DOCK8: variants seen among roughly 807,000 people sequenced by gnomAD.
DOCK8 encodes dedicator of cytokinesis protein 8.
DOCK8 carries 141 observed loss-of-function variants against 245.6 expected under a neutral mutation model. The ratio of observed to expected loss-of-function variants is 0.57; its 90% CI spans 0.50 to 0.66. The LOEUF is 0.66. Ranked by LOEUF, DOCK8 falls within the 30% of genes least tolerant of loss-of-function variation. DOCK8 has a pLI of 0.00. For missense variants in DOCK8, 2,965 were observed against 2,603.4 expected (o/e 1.14, Z -3.02); for synonymous variants, 1,168 against 970.2 (o/e 1.20, Z -3.79).
intron 1 of DOCK8, among the ~76,000 whole-genome samples, chr9:244,187 GAAAAAAAA>G (rs60148430): frequency 1.1e-5 from 1 of 88,422 alleles, no homozygotes; most frequent in African/African-American, 4.5e-5. Context: ...GACTCCGTCT[GAAAAAAAA>G]AAAAAAAAAA....
At chr9:430,944 A>G (rs966255338) in intron 36 of DOCK8, among the ~76,000 whole-genome samples, 2 of 152,148 alleles carry the variant, frequency 1.3e-5, no homozygotes, top group Non-Finnish European at 2.9e-5. Context: ...ATCAGAGCTC[A>G]CTGCAGCCTT....
chr9:332,587 T>A, intron 10 of DOCK8, 109 bp downstream of exon 10: 4 of 608,458 alleles, frequency 6.6e-6, no homozygotes, highest in African/African-American at 3.8e-5. Flanking sequence ...TGTCCCTATA[T>A]AAGACACTAC....
At chr9:272,561 C>A (rs1476323894) in intron 2 of DOCK8, among the ~76,000 whole-genome samples, 2 of 152,044 alleles carry the variant, frequency 1.3e-5, no homozygotes, top group Non-Finnish European at 2.9e-5. Context: ...AATTTTTGTA[C>A]TTTTTGTAGA....
intron 23 of DOCK8, among the ~76,000 whole-genome samples, chr9:387,320 G>T (rs1267491953): frequency 2.0e-5 from 3 of 151,968 alleles, no homozygotes; most frequent in African/African-American, 7.3e-5. Context: ...GCAGGCACCT[G>T]TAATCTCAGC....
chr9:448,801 C>T (rs2057342189), intron 44 of DOCK8, among the ~76,000 whole-genome samples: 1 of 152,202 alleles, frequency 6.6e-6, no homozygotes, highest in Non-Finnish European at 1.5e-5. Context: ...AAGAAGGTCA[C>T]ATTCTGAGGT....
chr9:442,137 C>G (rs1420880658), intron 42 of DOCK8, 128 bp downstream of exon 42: 3 of 1,371,308 alleles, frequency 2.2e-6, no homozygotes, highest in Non-Finnish European at 3.0e-6. Flanking sequence ...AAGTTTTCCC[C>G]TTTGCATTTA....
intron 7 of DOCK8, among the ~76,000 whole-genome samples, chr9:325,439 T>C (rs184871498): frequency 6.6e-6 from 1 of 152,334 alleles, no homozygotes; most frequent in African/African-American, 2.4e-5. Flanking sequence ...ATTCCAAAAA[T>C]ATCCACCATG....
chr9:323,342 G>A (rs1156287526), intron 7 of DOCK8, among the ~76,000 whole-genome samples: 2 of 146,210 alleles, frequency 1.4e-5, no homozygotes, highest in Non-Finnish European at 1.5e-5. Context: ...TCCTGCCTCA[G>A]CCTCCCGAGT....
intron 1 of DOCK8, among the ~76,000 whole-genome samples, chr9:249,335 A>T (rs1392881873): frequency 6.6e-6 from 1 of 152,194 alleles, no homozygotes; most frequent in Non-Finnish European, 1.5e-5. Flanking sequence ...CCTACCTCTG[A>T]CCACAGCCTG....
intron 14 of DOCK8, among the ~76,000 whole-genome samples, chr9:340,968 G>A (rs1298398583): frequency 1.3e-5 from 2 of 152,196 alleles, no homozygotes; most frequent in Admixed American, 1.3e-4. Context: ...TGACCAAAAT[G>A]TGCTAGTTGT....
At chr9:237,757 CG>C (rs900030591) in intron 1 of DOCK8, among the ~76,000 whole-genome samples, 2 of 152,058 alleles carry the variant, frequency 1.3e-5, no homozygotes, top group African/African-American at 4.8e-5. Flanking sequence ...GATAAGCAGC[CG>C]GGTTGTTCAG....
chr9:240,075 T>C (rs1395367722), intron 1 of DOCK8, among the ~76,000 whole-genome samples: 5 of 152,236 alleles, frequency 3.3e-5, no homozygotes, highest in Non-Finnish European at 7.4e-5. Context: ...AAGGTCTCCA[T>C]TGATATGTGT....
chr9:370,212 T>G lies in DOCK8; in HGVS notation c.1798-18T>G, dbSNP rs1472178613. 4.2e-5 allele frequency: 67 copies of G among 1,608,342 alleles called. No individual in the cohort carries two copies. The highest frequency in any genetic ancestry group is 5.5e-5 in the Non-Finnish European group (65 of 1,174,806). ...CAAATGTTACTGATAATTTGATCCT[T>G]TCTCTACTGGTGAACAGGTCATCTT... On this transcript the variant is annotated intron_variant, in intron 15 of 47. Coordinates refer to ENST00000432829, the MANE Select transcript of DOCK8 (RefSeq NM_203447.4).
At chr9:289,904 T>A (rs2048969470) in intron 4 of DOCK8, among the ~76,000 whole-genome samples, 1 of 152,228 alleles carries the variant, frequency 6.6e-6, no homozygotes, top group Non-Finnish European at 1.5e-5. Context: ...TGTAATGACA[T>A]GTATATGCCT....
intron 7 of DOCK8, among the ~76,000 whole-genome samples, chr9:323,692 C>T (rs1400326178): frequency 6.6e-6 from 1 of 152,218 alleles, no homozygotes; most frequent in Non-Finnish European, 1.5e-5. Flanking sequence ...CCCCTGGCAA[C>T]TCCCATTCTA....
chr9:225,632 TAG>T (rs1357641711), intron 1 of DOCK8, among the ~76,000 whole-genome samples: 1 of 152,162 alleles, frequency 6.6e-6, no homozygotes, highest in Non-Finnish European at 1.5e-5. Flanking sequence ...GTGCTGAGGA[TAG>T]AGTCATGAAT....
chr9:250,147 C>CT (rs1410206170), intron 1 of DOCK8, among the ~76,000 whole-genome samples: 1 of 152,156 alleles, frequency 6.6e-6, no homozygotes, highest in African/African-American at 2.4e-5. Context: ...TATCATATTT[C>CT]TGGGAGCATG....
At chr9:454,874 A>T (rs2057585423) in intron 46 of DOCK8, among the ~76,000 whole-genome samples, 2 of 152,138 alleles carry the variant, frequency 1.3e-5, no homozygotes, top group South Asian at 4.1e-4. Context: ...GTTACTCCAA[A>T]AAGAACCAGT....
At chr9:286,337 T>C in intron 2 of DOCK8, 124 bp from the exon 3 acceptor site, 1 of 1,113,260 alleles carries the variant, frequency 9.0e-7, no homozygotes, top group Non-Finnish European at 1.3e-6. Context: ...AGTCGCTCCG[T>C]TTTATGCCAG....
Sources: gnomAD v4.1 joint callset for allele counts (sites outside exome capture counted in the v4.1 genomes callset) on GRCh38, gnomAD v4.1.1 for gene constraint, MANE v1.5 for transcripts, NCBI Gene and HGNC (gene_info 2026-07-23, HGNC 2026-07-21) for gene names.